NXPE2: variants seen among roughly 807,000 people sequenced by gnomAD.
NXPE2 encodes NXPE family member 2.
In NXPE2, 34 loss-of-function variants were observed where a neutral mutation model predicts 34.4. The observed-to-expected ratio is 0.99, with a 90% CI of 0.75 to 1.31. The LOEUF (loss-of-function observed/expected upper bound fraction) is 1.31. NXPE2 is among the 40% of genes most tolerant of loss of function. NXPE2 has a pLI of 0.00. For missense variants in NXPE2, 649 were observed against 672.5 expected (o/e 0.97, Z 0.39); for synonymous variants, 235 against 231.3 (o/e 1.02, Z -0.15).
chr11:114,633,344 A>G, the NXPE2 span, among the ~76,000 whole-genome samples: 1 of 141,342 alleles, frequency 7.1e-6, no homozygotes, highest in Non-Finnish European at 1.5e-5. Flanking sequence ...ATTTTATTAT[A>G]TGATTATATT....
chr11:114,713,719 C>T, the NXPE2 span, among the ~76,000 whole-genome samples: 4 of 152,124 alleles, frequency 2.6e-5, no homozygotes, highest in Admixed American at 2.6e-4. Flanking sequence ...ACTGAATCAA[C>T]GTTAGGAGGC....
At chr11:114,728,816 A>C in the NXPE2 span, among the ~76,000 whole-genome samples, 5 of 152,166 alleles carry the variant, frequency 3.3e-5, no homozygotes, top group Admixed American at 6.6e-5. Context: ...TGAGAAAGAC[A>C]GTTGGAAAGA....
the NXPE2 span, among the ~76,000 whole-genome samples, chr11:114,476,799 A>G: frequency 6.6e-6 from 1 of 152,164 alleles, no homozygotes; most frequent in Non-Finnish European, 1.5e-5. Context: ...ACAATTTGAG[A>G]TGAGATTTGG....
intron 2 of NXPE2, among the ~76,000 whole-genome samples, chr11:114,695,867 A>ACACACACACACACACACACACACAC (rs1951242105): frequency 1.3e-5 from 2 of 150,042 alleles, no homozygotes; most frequent in African/African-American, 2.5e-5. Flanking sequence ...ACACACACAC[A>ACACACACACACACACACACACACAC]ATTAGCTGGG....
At chr11:114,530,030 A>G in the NXPE2 span, 1 of 785,302 alleles carries the variant, frequency 1.3e-6, no homozygotes, top group Non-Finnish European at 2.0e-6. Flanking sequence ...TAGAGTGGTG[A>G]GTAGAGGCCC....
chr11:114,531,899 G>A, the NXPE2 span, among the ~76,000 whole-genome samples: 1 of 152,160 alleles, frequency 6.6e-6, no homozygotes, highest in Non-Finnish European at 1.5e-5. Flanking sequence ...CTTGCTGGTA[G>A]TCAGAAACAC....
At chr11:114,601,815 T>G in the NXPE2 span, among the ~76,000 whole-genome samples, 1 of 70,970 alleles carries the variant, frequency 1.4e-5, no homozygotes, top group African/African-American at 6.6e-5. Context: ...TATTATATAA[T>G]TATATATAAT....
chr11:114,615,635 G>A, the NXPE2 span, among the ~76,000 whole-genome samples: 13 of 151,542 alleles, frequency 8.6e-5, no homozygotes, highest in Non-Finnish European at 4.4e-5. Context: ...TGGATAATAA[G>A]TGTTGCCTCT....
the NXPE2 span, among the ~76,000 whole-genome samples, chr11:114,475,307 G>A: frequency 7.5e-6 from 1 of 132,550 alleles, no homozygotes; most frequent in Non-Finnish European, 1.5e-5. Context: ...GCAGTAGTGC[G>A]ATCTCCACTC....
chr11:114,736,383 A>G, the NXPE2 span, among the ~76,000 whole-genome samples: 13 of 152,196 alleles, frequency 8.5e-5, no homozygotes, highest in Admixed American at 3.9e-4. Flanking sequence ...TCAGGGGTTC[A>G]TTCTCTTTCT....
the NXPE2 span, chr11:114,530,178 T>A: frequency 6.2e-7 from 1 of 1,600,576 alleles, no homozygotes; most frequent in South Asian, 1.1e-5. Context: ...TACTCACCTG[T>A]GGAAAAGGCT....
chr11:114,758,668 C>T, the NXPE2 span, among the ~76,000 whole-genome samples: 1 of 152,082 alleles, frequency 6.6e-6, no homozygotes, highest in African/African-American at 2.4e-5. Context: ...CTTAATTCAG[C>T]ACCCTTCACT....
chr11:114,723,478 G>A, the NXPE2 span, among the ~76,000 whole-genome samples: 1 of 152,090 alleles, frequency 6.6e-6, no homozygotes, highest in Non-Finnish European at 1.5e-5. Flanking sequence ...AAAACTGAAG[G>A]TTAAGTCATA....
downstream of NXPE2, among the ~76,000 whole-genome samples, chr11:114,708,307 C>A (rs997373824): frequency 1.3e-4 from 20 of 152,124 alleles, no homozygotes; most frequent in African/African-American, 4.8e-4. Context: ...AACGTACAGA[C>A]CCCAAAACCT....
chr11:114,681,482 G>T (rs539930249), intron 2 of NXPE2, among the ~76,000 whole-genome samples: 1 of 152,252 alleles, frequency 6.6e-6, no homozygotes, highest in South Asian at 2.1e-4. Context: ...AACTCACTAG[G>T]CCTGGTCCAA....
At chr11:114,585,188 C>A in the NXPE2 span, among the ~76,000 whole-genome samples, 27,426 of 151,598 alleles carry the variant, frequency 0.18, 2,832 homozygotes, top group Non-Finnish European at 0.22. Context: ...TGTCTTCCCC[C>A]AGTTCTGCAG....
the NXPE2 span, among the ~76,000 whole-genome samples, chr11:114,663,630 T>TATC: frequency 0.12 from 12,898 of 109,298 alleles, 679 homozygotes; most frequent in East Asian, 0.2. Flanking sequence ...TCTATCTATC[T>TATC]ATCTATCATC....
At chr11:114,609,616 A>C in the NXPE2 span, among the ~76,000 whole-genome samples, 1 of 151,424 alleles carries the variant, frequency 6.6e-6, no homozygotes, top group Non-Finnish European at 1.5e-5. Flanking sequence ...GTGGGTAGGC[A>C]TGCTTACCCG....
chr11:114,517,236 G>A, the NXPE2 span, among the ~76,000 whole-genome samples: 1 of 152,080 alleles, frequency 6.6e-6, no homozygotes, highest in Admixed American at 6.5e-5. Flanking sequence ...GGCAATTAGT[G>A]GCTGTATGTA....
Sources: allele counts gnomAD v4.1 joint callset (sites outside exome capture counted in the v4.1 genomes callset), GRCh38; gene constraint gnomAD v4.1.1; transcripts MANE v1.5; gene names NCBI Gene and HGNC (gene_info 2026-07-23, HGNC 2026-07-21).